COQ8A: variants seen among roughly 807,000 people sequenced by gnomAD.
COQ8A encodes atypical kinase COQ8A, mitochondrial.
In COQ8A, 51 loss-of-function variants were observed where a neutral mutation model predicts 65.0. The ratio of observed to expected loss-of-function variants is 0.78; its 90% CI spans 0.63 to 0.99. COQ8A has a LOEUF of 0.99. COQ8A is among the 50% of genes least tolerant of loss of function. The pLI, the probability that COQ8A is intolerant of heterozygous loss-of-function variation, is 0.00. For missense variants in COQ8A, 940 were observed against 875.0 expected, an observed-to-expected ratio of 1.07 and a Z score of -0.94; for synonymous variants, 371 against 353.2, an observed-to-expected ratio of 1.05 and a Z score of -0.57.
intron 4 of COQ8A, among the ~76,000 whole-genome samples, chr1:226,975,994 CAG>C (rs1295260324): frequency 6.7e-6 from 1 of 149,340 alleles, no homozygotes; most frequent in Non-Finnish European, 1.5e-5. Context: ...GCGCCTTAAA[CAG>C]AGCGTCCTGG....
intron 4 of COQ8A, among the ~76,000 whole-genome samples, chr1:226,969,408 C>T (rs1658752373): frequency 6.6e-6 from 1 of 152,038 alleles, no homozygotes; most frequent in South Asian, 2.1e-4. Context: ...AAGTGATTCT[C>T]CTGCCTCAGC....
chr1:226,984,267 G>A (rs1157357870), intron 11 of COQ8A, 32 bp downstream of exon 11: 5 of 1,611,976 alleles, frequency 3.1e-6, no homozygotes, highest in Non-Finnish European at 4.2e-6. Context: ...GGTGGGGCCA[G>A]GGTGGCCCTG....
In COQ8A at chr1:226,960,540, A is replaced by G. The variant is rs1432787310; in HGVS notation, c.-9-837A>G. Reference sequence around the variant, plus strand: ...GGTGGTGCTTGGTGGTGGTGGTTGTACTTGGTGGTGGTGTCAATGGTACTT... The same window carrying G: ...GGTGGTGCTTGGTGGTGGTGGTTGTGCTTGGTGGTGGTGTCAATGGTACTT... On this transcript the variant is annotated intron_variant, in intron 1 of 14. Transcript: ENST00000366777. 4.6e-3 allele frequency among the ~76,000 whole-genome samples: 397 copies of G among 86,028 alleles called. 4 individuals carry two copies. Among genetic ancestry groups the G allele is most frequent in the African/African-American group, 0.018 (372 of 21,244 alleles). The allele number at this position is 86,028 out of a possible 152,430, so 56.4% of individuals were successfully genotyped here. A position where few individuals can be genotyped will look rare whatever the true frequency, so the allele number is the denominator to read the frequency against.
rs775123142 is a variant in COQ8A at position 226,984,538 on chromosome 1, CT to C, written c.1399-9del. The C allele has an allele frequency of 6.2e-7, 1 of 1,607,564 alleles. No homozygotes were observed. The highest frequency in any genetic ancestry group is 8.5e-7 in the Non-Finnish European group (1 of 1,173,820). On this transcript the variant is annotated splice_polypyrimidine_tract_variant and intron_variant, in intron 11 of 14. Coordinates refer to ENST00000366777, the MANE Select transcript of COQ8A (RefSeq NM_020247.5). ...TGCTGCCTGACACAGACCCTTCGCG[CT>C]GTCCACAGATCTGCTACAACATCCT...
At chr1:226,958,429 C>T (rs1051007512) in intron 1 of COQ8A, among the ~76,000 whole-genome samples, 1 of 152,136 alleles carries the variant, frequency 6.6e-6, no homozygotes, top group South Asian at 2.1e-4. Context: ...GGCTCCAGGT[C>T]GTCGCTTCCA....
Position 226,986,739 on chromosome 1 carries a change from G to A in COQ8A, c.*2G>A. ...TGCAAGAGGCAGGCCCAGCAGTAGG[G>A]CTGCGGGCCACGCCCAGGCCGGCTC... On this transcript the variant is annotated 3_prime_UTR_variant, in exon 15 of 15. Coordinates refer to ENST00000366777, the MANE Select transcript of COQ8A (RefSeq NM_020247.5). 1.2e-6 allele frequency: 2 copies of A among 1,612,184 alleles called. No individual in the cohort carries two copies. The highest frequency in any genetic ancestry group is 1.7e-6 in the Non-Finnish European group (2 of 1,179,902).
chr1:226,965,400 A>G lies in COQ8A; in HGVS notation c.578A>G (p.His193Arg), dbSNP rs779243550. 15 of 1,609,464 alleles carry G rather than the reference A, an allele frequency of 9.3e-6. No homozygotes were observed. The highest frequency in any genetic ancestry group is 1.3e-5 in the Non-Finnish European group (15 of 1,178,962). Residue 193 changes from histidine to arginine, a missense_variant, in exon 3 of 15, where the codon CAC (histidine) becomes CGC (arginine). Coordinates refer to ENST00000366777, the MANE Select transcript of COQ8A (RefSeq NM_020247.5). Reference protein sequence around the residue: ...QAKARPENKQHKQTLSEHARE... With the variant: ...QAKARPENKQRKQTLSEHARE... ...AAGGCTCGCCCCGAGAACAAGCAGCACAAACAGACGGTGCGTATGGGAGGC... is the reference window on the plus strand; with the variant it reads ...AAGGCTCGCCCCGAGAACAAGCAGCGCAAACAGACGGTGCGTATGGGAGGC...
At chr1:226,977,647 C>G (rs75992029) in intron 5 of COQ8A, 124 bp downstream of exon 5, 4 of 1,047,460 alleles carry the variant, frequency 3.8e-6, no homozygotes, top group Non-Finnish European at 5.6e-6. Flanking sequence ...TGGGGTTCCA[C>G]GTAAGTGGCG....
chr1:226,965,131 G>C lies in COQ8A; in HGVS notation c.309G>C (p.Ala103=). 3 of 1,613,938 alleles carry C rather than the reference G, an allele frequency of 1.9e-6. No individual in the cohort carries two copies. In the South Asian group the frequency reaches 3.3e-5, roughly 18 times the overall value. The part of the protein sequence containing the change: ...FSSASAPDQS[A]PPSLGHAHSE... The stretch of plus-strand genomic sequence containing the variant: ...CAGCCTCCGCTCCCGACCAGTCAGC[G>C]CCCCCATCCCTGGGTCATGCCCACA... Residue 103 remains alanine, a synonymous_variant, in exon 3 of 15, where the codon GCG becomes GCC. Coordinates refer to ENST00000366777, the MANE Select transcript of COQ8A (RefSeq NM_020247.5).
intron 5 of COQ8A, among the ~76,000 whole-genome samples, chr1:226,979,124 T>C (rs575493320): frequency 6.6e-5 from 10 of 152,362 alleles, no homozygotes; most frequent in Middle Eastern, 3.4e-3. Context: ...CTGTAGTCTA[T>C]GCAGAGGCAC....
intron 4 of COQ8A, among the ~76,000 whole-genome samples, chr1:226,976,838 A>G (rs1048928328): frequency 6.6e-6 from 1 of 152,180 alleles, no homozygotes; most frequent in Non-Finnish European, 1.5e-5. Context: ...CCCCGCAGAA[A>G]GGGCAAGGTG....
intron 1 of COQ8A, among the ~76,000 whole-genome samples, chr1:226,955,849 C>G (rs1222729675): frequency 7.4e-6 from 1 of 135,252 alleles, no homozygotes; most frequent in African/African-American, 3.0e-5. Context: ...TTCACACTCT[C>G]CCTGGCTCTC....
intron 1 of COQ8A, among the ~76,000 whole-genome samples, chr1:226,945,841 C>T (rs1176028610): frequency 6.6e-6 from 1 of 152,244 alleles, no homozygotes; most frequent in African/African-American, 2.4e-5. Context: ...CTGCTCCCTC[C>T]CTGGGTCTGT....
chr1:226,943,395 T>A (rs1351285101), intron 1 of COQ8A, among the ~76,000 whole-genome samples: 1 of 151,948 alleles, frequency 6.6e-6, no homozygotes, highest in Non-Finnish European at 1.5e-5. Context: ...GGAGAGCTGG[T>A]GGGAGTGAGT....
Position 226,942,504 on chromosome 1 carries a change from G to T in COQ8A, c.-10+2105G>T, listed in dbSNP as rs1572008947. On this transcript the variant is annotated intron_variant, in intron 1 of 14. Coordinates refer to ENST00000366777, the MANE Select transcript of COQ8A (RefSeq NM_020247.5). Reference sequence around the variant, plus strand: ...TTTGCACATGAATAACTATGGGCCAGTTTTAAAATAGGAAACATGCTTAAG... The same window carrying T: ...TTTGCACATGAATAACTATGGGCCATTTTTAAAATAGGAAACATGCTTAAG... 2.6e-5 allele frequency among the ~76,000 whole-genome samples: 4 copies of T among 152,306 alleles called. No individual in the cohort carries two copies. In the South Asian group the frequency reaches 8.3e-4, roughly 32 times the overall value.
At chr1:226,983,524 C>G (rs1372683102) in intron 8 of COQ8A, 28 bp from the exon 9 acceptor site, 1 of 1,607,690 alleles carries the variant, frequency 6.2e-7, no homozygotes, top group East Asian at 2.2e-5. Context: ...CCTGGGCTAA[C>G]TCCCCTGCCT....
chr1:226,965,814 G>T, intron 4 of COQ8A, 77 bp downstream of exon 4: 1 of 1,510,084 alleles, frequency 6.6e-7, no homozygotes, highest in South Asian at 1.1e-5. Context: ...TGGAGGTGGG[G>T]ACCCAGCAAT....
At position 226,984,212 on chromosome 1, in the gene COQ8A, C is replaced by A. The variant is rs1375845511; in HGVS notation, c.1375C>A (p.Leu459Ile). The part of the protein sequence containing the change: ...SGFPLDQAEG[L>I]SQEIRNEICY... ...CTTCCCCCTGGACCAGGCCGAAGGGCTCAGCCAGGAGATTCGGAACGAGGT... is the reference window on the plus strand; with the variant it reads ...CTTCCCCCTGGACCAGGCCGAAGGGATCAGCCAGGAGATTCGGAACGAGGT... Residue 459 changes from leucine to isoleucine, a missense_variant, in exon 11 of 15, where the codon CTC (leucine) becomes ATC (isoleucine). By Grantham distance (5) the Leu-to-Ile change is conservative. Transcript: ENST00000366777. 6.2e-7 allele frequency: 1 copy of A among 1,613,668 alleles called. No homozygotes were observed. The highest frequency in any genetic ancestry group is 8.5e-7 in the Non-Finnish European group (1 of 1,180,000).
Position 226,982,913 on chromosome 1 carries a change from T to C in COQ8A, c.959T>C (p.Leu320Pro). 5.6e-6 allele frequency: 9 copies of C among 1,612,608 alleles called. No homozygotes were observed. The highest frequency in any genetic ancestry group is 6.8e-6 in the Non-Finnish European group (8 of 1,179,808). Residue 320 changes from leucine to proline, a missense_variant, in exon 8 of 15, where the codon CTG (leucine) becomes CCG (proline). By Grantham distance (98) the Leu-to-Pro change is moderately conservative (BLOSUM62 -3). Coordinates refer to ENST00000366777, the MANE Select transcript of COQ8A (RefSeq NM_020247.5). ...KQMMKTLNND[L>P]GPNWRDKLEY... ...CTTCAGAAAACTCTCAACAACGACC[T>C]GGGCCCCAACTGGCGGGACAAGTTG...
Sources: gnomAD v4.1 joint callset for allele counts (sites outside exome capture counted in the v4.1 genomes callset) on GRCh38, gnomAD v4.1.1 for gene constraint, MANE v1.5 for transcripts, NCBI Gene and HGNC (gene_info 2026-07-23, HGNC 2026-07-21) for gene names.